SACS: variants seen among roughly 807,000 people sequenced by gnomAD.
The protein encoded by SACS is sacsin molecular chaperone, also known as sacsin.
A neutral mutation model predicts 348.0 loss-of-function variants in SACS; 197 were observed. The ratio of observed to expected loss-of-function variants is 0.57; its 90% CI spans 0.50 to 0.64. SACS has a LOEUF of 0.64. Among genes scored for constraint, SACS ranks in the 30% least tolerant of loss-of-function variants. The pLI, the probability that SACS is intolerant of heterozygous loss-of-function variation, is 0.00. For synonymous variants in SACS, 1,985 were observed against 1,910.6 expected (o/e 1.04, Z -1.02); for missense variants, 4,999 against 5,360.8 (o/e 0.93, Z 2.11).
chr13:23,411,410 C>T lies in SACS; in HGVS notation c.-171G>A, dbSNP rs1159684480. The stretch of plus-strand genomic sequence containing the variant: ...TCAGTGTCCATTCATCATCTGATGT[C>T]AGGAAACATTGTCGTGTGTTGCATT... On this transcript the variant is annotated 5_prime_UTR_variant, in exon 2 of 10. Coordinates refer to ENST00000382292, the MANE Select transcript of SACS (RefSeq NM_014363.6). 4.5e-6 allele frequency: 3 copies of T among 663,032 alleles called. No homozygotes were observed. The African/African-American group carries it at 5.4e-5, about 12-fold the overall frequency. The allele number at this position is 663,032 out of a possible 1,614,324, so 41.1% of individuals were successfully genotyped here. A position where few individuals can be genotyped will look rare whatever the true frequency, so the allele number is the denominator to read the frequency against.
intron 9 of SACS, 133 bp from the exon 10 acceptor site, chr13:23,341,823 G>A: frequency 1.3e-6 from 1 of 766,224 alleles, no homozygotes; most frequent in Non-Finnish European, 1.9e-6. Context: ...GTCTTGCTCT[G>A]TCGCCCAGGC....
chr13:23,428,574 T>C (rs956352817), intron 1 of SACS: 4 of 152,112 alleles, frequency 2.6e-5, no homozygotes, highest in African/African-American at 9.7e-5. Context: ...TGAAATTAAA[T>C]ATGTACGTAA....
Position 23,339,773 on chromosome 13 carries a change from C to T in SACS, c.4103G>A (p.Ser1368Asn). ...LMLNIIRWLY[S>N]NQIPASPNTP... ...GTTGGGGCTTGCTGGAATCTGATTGCTATACAGCCATCTGATAATATTCAA... is the reference window on the plus strand; with the variant it reads ...GTTGGGGCTTGCTGGAATCTGATTGTTATACAGCCATCTGATAATATTCAA... Residue 1368 changes from serine to asparagine, a missense_variant, in exon 10 of 10, where the codon AGC becomes AAC. By Grantham distance (46) the Ser-to-Asn change is conservative. This residue lies in a region of SACS where 3,156 missense variants were observed against 3,380.1 expected (regional missense o/e 0.93). Transcript: ENST00000382292. 1 of 1,614,002 alleles carries T rather than the reference C, an allele frequency of 6.2e-7. No homozygotes were observed. Among genetic ancestry groups the T allele is most frequent in the Non-Finnish European group, 8.5e-7 (1 of 1,179,944 alleles).
rs754055898 is a variant in SACS, at chr13:23,340,801, A to G, written c.3075T>C (p.Asn1025=). ...WVLENLSSLK[N]ENPNVLEWLT... ...ACCACTCAAGCACATTTGGATTCTC[A>G]TTTTTAAGAGAAGATAGATTCTCAA... is the stretch of plus-strand genomic sequence containing the variant. The change falls in exon 10 of 10, where the codon AAT becomes AAC. Residue 1025 remains asparagine, a synonymous_variant. Transcript: ENST00000382292. 4.4e-6 allele frequency: 7 copies of G among 1,602,192 alleles called. No homozygotes were observed. The highest frequency in any genetic ancestry group is 4.5e-5 in the East Asian group (2 of 44,758).
intron 9 of SACS, among the ~76,000 whole-genome samples, chr13:23,353,037 C>CTT (rs1566078148): frequency 6.6e-6 from 1 of 152,166 alleles, no homozygotes; most frequent in African/African-American, 2.4e-5. Context: ...AAACCCAGAA[C>CTT]TTTTCAGGAC....
chr13:23,385,521 G>A (rs9317670), intron 2 of SACS, among the ~76,000 whole-genome samples: 34,789 of 151,914 alleles, frequency 0.23, 4,181 homozygotes, highest in South Asian at 0.34. Context: ...CACCATGCCC[G>A]GTAATTTTGT....
chr13:23,380,683 A>C (rs1872017330), intron 2 of SACS, among the ~76,000 whole-genome samples: 1 of 152,240 alleles, frequency 6.6e-6, no homozygotes, highest in Admixed American at 6.5e-5. Flanking sequence ...ACATGATGAA[A>C]GACAGAGTCA....
At chr13:23,350,571 A>G (rs575286928) in intron 9 of SACS, among the ~76,000 whole-genome samples, 7 of 152,344 alleles carry the variant, frequency 4.6e-5, no homozygotes, top group African/African-American at 1.7e-4. Flanking sequence ...CAGAAAAAAC[A>G]TATGATGTTT....
At chr13:23,350,993 G>C (rs1225541913) in intron 9 of SACS, among the ~76,000 whole-genome samples, 1 of 151,990 alleles carries the variant, frequency 6.6e-6, no homozygotes, top group Non-Finnish European at 1.5e-5. Context: ...TTTCACTCTG[G>C]GAGTCAATAG....
chr13:23,339,371 T>A lies in SACS; in HGVS notation c.4505A>T (p.Asn1502Ile), dbSNP rs1246233364. Residue 1502 changes from asparagine to isoleucine, a missense_variant, in exon 10 of 10, where the codon AAT becomes ATT. Around this residue, in one of 6 missense-constraint regions of SACS, gnomAD observed 3,156 missense variants for 3,380.1 expected, o/e 0.93. Coordinates refer to ENST00000382292, the MANE Select transcript of SACS (RefSeq NM_014363.6). ...ECSFLIDMRRNMDIRENLLDP... is the reference protein window; with the variant it reads ...ECSFLIDMRRIMDIRENLLDP... Reference sequence around the variant, plus strand: ...TAGGAGATTCTCTCTTATGTCCATATTTCTTCTCATATCAATCAAGAAACT... The same window carrying A: ...TAGGAGATTCTCTCTTATGTCCATAATTCTTCTCATATCAATCAAGAAACT... The A allele has an allele frequency of 6.2e-7, 1 of 1,613,444 alleles. No individual in the cohort carries two copies. The highest frequency in any genetic ancestry group is 1.7e-5 in the Admixed American group (1 of 59,930).
chr13:23,339,328 A>C lies in SACS; in HGVS notation c.4548T>G (p.Ala1516=). Residue 1516 remains alanine, a synonymous_variant, in exon 10 of 10, where the codon GCT becomes GCG. Coordinates refer to ENST00000382292, the MANE Select transcript of SACS (RefSeq NM_014363.6). ...RENLLDPGMA[A]CHGPALWSFN... The stretch of plus-strand genomic sequence containing the variant: ...ATGACCACAAAGCAGGTCCATGACA[A>C]GCTGCCATCCCTGGGTCTAGGAGAT... 6.2e-7 allele frequency: 1 copy of C among 1,612,606 alleles called. No homozygotes were observed.
intron 2 of SACS, among the ~76,000 whole-genome samples, chr13:23,397,236 CTTTG>C (rs1393187895): frequency 1.3e-5 from 2 of 152,114 alleles, no homozygotes; most frequent in Non-Finnish European, 2.9e-5. Flanking sequence ...GGTGAAACAA[CTTTG>C]TTTGCAAACT....
In SACS at chr13:23,333,404, T is replaced by C; in HGVS notation, c.10472A>G (p.Asp3491Gly). 1 of 1,608,958 alleles carries C rather than the reference T, an allele frequency of 6.2e-7. No individual in the cohort carries two copies. Among genetic ancestry groups the C allele is most frequent in the Non-Finnish European group, 8.5e-7 (1 of 1,178,094 alleles). ...LLPKIENLSY[D>G]AKLEHLIYLK... ...GTAGATCAAGTGCTCTAATTTTGCA[T>C]CATAAGAGAGATTTTCAATTTTTGG... is the stretch of plus-strand genomic sequence containing the variant. The change falls in exon 10 of 10, where the codon GAT becomes GGT. Residue 3491 changes from aspartate to glycine, a missense_variant. Physicochemically the swap from Asp to Gly is moderately conservative, Grantham distance 94. Coordinates refer to ENST00000382292, the MANE Select transcript of SACS (RefSeq NM_014363.6).
chr13:23,332,118 T>C lies in SACS; in HGVS notation c.11758A>G (p.Ser3920Gly). ...GGCGCATCGTCAAACACTAAGATGC[T>C]TGACTTTACCAATCTACCATCCTGG... is the stretch of plus-strand genomic sequence containing the variant. ...PSQDGRLVKS[S>G]ILVFDDAPHY... The change falls in exon 10 of 10, where the codon AGC becomes GGC. Residue 3920 changes from serine (S) to glycine (G), a missense_variant. Physicochemically the swap from Ser to Gly is moderately conservative, Grantham distance 56. Around this residue, in one of 6 missense-constraint regions of SACS, gnomAD observed 831 missense variants for 941.8 expected, o/e 0.88. Coordinates refer to ENST00000382292, the MANE Select transcript of SACS (RefSeq NM_014363.6). 4 of 1,614,074 alleles carry C rather than the reference T, an allele frequency of 2.5e-6. No homozygotes were observed. Among genetic ancestry groups the C allele is most frequent in the East Asian group, 2.2e-5 (1 of 44,884 alleles).
At chr13:23,356,097 C>T in intron 7 of SACS, 90 bp from the exon 8 acceptor site, 1 of 1,098,414 alleles carries the variant, frequency 9.1e-7, no homozygotes, top group Non-Finnish European at 1.3e-6. Context: ...AAAGCATGAG[C>T]CATTAAATGA....
Position 23,333,961 on chromosome 13 carries a change from G to A in SACS, c.9915C>T (p.Ser3305=), listed in dbSNP as rs761124250. 9 of 1,613,768 alleles carry A rather than the reference G, an allele frequency of 5.6e-6. No homozygotes were observed. In the East Asian group the frequency reaches 1.6e-4, roughly 28 times the overall value. Residue 3305 remains serine, a synonymous_variant, in exon 10 of 10, where the codon AGC becomes AGT. Coordinates refer to ENST00000382292, the MANE Select transcript of SACS (RefSeq NM_014363.6). ...VPEGDVLLPL[S]LMHIAVFPNA... ...TTGGAAAAACTGCAATGTGCATAAG[G>A]CTGAGAGGAAGCAGAACATCTCCTT...
chr13:23,411,084 T>G, intron 2 of SACS, 136 bp downstream of exon 2: 14 of 728,248 alleles, frequency 1.9e-5, no homozygotes, highest in East Asian at 2.6e-5. Flanking sequence ...CAGTTAGAAC[T>G]GAGATATGGA....
In SACS at chr13:23,333,472, A is replaced by T; in HGVS notation, c.10404T>A (p.Cys3468Ter). ...ATACCTCAAGATCATCTACAGGTAC[A>T]CAACCAATCACCTCATATAGTTCTT... is the stretch of plus-strand genomic sequence containing the variant. Reference protein sequence around the residue: ...HLKELYEVIGCVPVDDLEVYL... With the variant: ...HLKELYEVIG The change falls in exon 10 of 10, where the codon TGT becomes TGA. Residue 3468 changes from cysteine to a stop codon, truncating the protein, a stop_gained. Transcript: ENST00000382292. LOFTEE classifies it high-confidence loss of function. The T allele has an allele frequency of 6.2e-7, 1 of 1,613,070 alleles. No individual in the cohort carries two copies. Among genetic ancestry groups the T allele is most frequent in the Non-Finnish European group, 8.5e-7 (1 of 1,179,304 alleles).
chr13:23,403,312 G>T (rs1395408782), intron 2 of SACS, among the ~76,000 whole-genome samples: 1 of 152,136 alleles, frequency 6.6e-6, no homozygotes, highest in Non-Finnish European at 1.5e-5. Flanking sequence ...TTTTTCTGTT[G>T]TTCGGAATAG....
Sources: gnomAD v4.1 joint callset for allele counts (sites outside exome capture counted in the v4.1 genomes callset) on GRCh38, gnomAD v4.1.1 for gene constraint, gnomAD v4.1.1 regional missense constraint, MANE v1.5 for transcripts, NCBI Gene and HGNC (gene_info 2026-07-23, HGNC 2026-07-21) for gene names.